UMODL1: variants seen among roughly 807,000 people sequenced by gnomAD.
The protein encoded by UMODL1 is uromodulin-like 1.
UMODL1 carries 128 observed loss-of-function variants against 136.3 expected under a neutral mutation model. The ratio of observed to expected loss-of-function variants is 0.94; its 90% CI spans 0.81 to 1.09. UMODL1 has a LOEUF of 1.09. UMODL1 is among the 50% of genes least tolerant of loss of function. The pLI is 0.00. For synonymous variants in UMODL1, 721 were observed against 720.0 expected (o/e 1.00, Z -0.02); for missense variants, 1,766 against 1,725.6 (o/e 1.02, Z -0.41).
intron 2 of UMODL1, among the ~76,000 whole-genome samples, chr21:42,083,700 G>A (rs1569144407): frequency 6.6e-6 from 1 of 152,268 alleles, no homozygotes; most frequent in African/African-American, 2.4e-5. Flanking sequence ...CCGGCATTGT[G>A]CCCGGCACAT....
chr21:42,123,583 CTGTG>C lies in UMODL1; in HGVS notation c.3147+438_3147+441del, dbSNP rs374512970. 1.3e-5 allele frequency among the ~76,000 whole-genome samples: 2 copies of C among 151,406 alleles called. No individual in the cohort carries two copies. The highest frequency in any genetic ancestry group is 1.9e-4 in the East Asian group (1 of 5,168). ...TGTGAATGTGTGTAAATGTGTGAAT[CTGTG>C]TGTGCGAATGTGTATGTGTATATGC... is the stretch of plus-strand genomic sequence containing the variant. On this transcript the variant is annotated intron_variant, in intron 17 of 22. Coordinates refer to ENST00000408910, the MANE Select transcript of UMODL1 (RefSeq NM_001004416.3). The surrounding 1 kb of genome is among the most constrained non-coding windows in gnomAD (Gnocchi z 4.4).
At chr21:42,134,904 G>C (rs572777373) in intron 21 of UMODL1, among the ~76,000 whole-genome samples, 3 of 152,076 alleles carry the variant, frequency 2.0e-5, no homozygotes, top group African/African-American at 7.2e-5. Context: ...GATTATAGGC[G>C]TGAGCCACCT....
chr21:42,075,983 C>T (rs2066285968), intron 1 of UMODL1, 22 bp from the exon 2 acceptor site: 1 of 1,611,092 alleles, frequency 6.2e-7, no homozygotes, highest in Non-Finnish European at 8.5e-7. Context: ...TCTCAGTCGC[C>T]TTCTTGCTTG....
intron 21 of UMODL1, among the ~76,000 whole-genome samples, chr21:42,136,515 A>G (rs1300084069): frequency 6.6e-6 from 1 of 152,038 alleles, no homozygotes; most frequent in Non-Finnish European, 1.5e-5. Flanking sequence ...TTCAAGGTTC[A>G]TTTACGTTGC....
intron 22 of UMODL1, among the ~76,000 whole-genome samples, chr21:42,139,799 G>A (rs553823868): frequency 1.7e-4 from 26 of 152,278 alleles, no homozygotes; most frequent in South Asian, 4.2e-4. Flanking sequence ...CACTGGTCCC[G>A]TCTATGCTGT....
At position 42,084,140 on chromosome 21, in the gene UMODL1, C is replaced by T. The variant is rs991583941; in HGVS notation, c.376C>T (p.Pro126Ser). ...ACCTGGGGCCTGCCCCGCAGAGGGG[C>T]CTGAACCATCCACCTCCCCCTGCAG... Reference protein sequence around the residue: ...SRPGACPAEGPEPSTSPCSLD... With the variant: ...SRPGACPAEGSEPSTSPCSLD... The change falls in exon 3 of 23, where the codon CCT becomes TCT. Residue 126 changes from proline (P) to serine (S), a missense_variant. Coordinates refer to ENST00000408910, the MANE Select transcript of UMODL1 (RefSeq NM_001004416.3). 3.1e-6 allele frequency: 5 copies of T among 1,614,170 alleles called. No homozygotes were observed. The highest frequency in any genetic ancestry group is 8.5e-7 in the Non-Finnish European group (1 of 1,180,022).
intron 16 of UMODL1, 84 bp downstream of exon 16, chr21:42,121,308 G>T: frequency 6.6e-7 from 1 of 1,506,368 alleles, no homozygotes. Context: ...AGGGCTTCTT[G>T]TCCCTCTGAG....
At chr21:42,103,637 C>T (rs1444163596) in intron 8 of UMODL1, 4 of 663,478 alleles carry the variant, frequency 6.0e-6, no homozygotes, top group East Asian at 3.1e-5. Flanking sequence ...GCAGTGGTCA[C>T]TGTGAGTCCC....
At chr21:42,098,314 G>A (rs2066582314) in intron 6 of UMODL1, among the ~76,000 whole-genome samples, 2 of 152,098 alleles carry the variant, frequency 1.3e-5, no homozygotes, top group African/African-American at 4.8e-5. Flanking sequence ...AGAGAGGCTG[G>A]GATTTCAACT....
intron 7 of UMODL1, chr21:42,101,893 C>T (rs2066639128): frequency 5.0e-6 from 2 of 396,700 alleles, no homozygotes; most frequent in Admixed American, 3.6e-5. Flanking sequence ...AAGGACCCTC[C>T]ATGCTCTGGT....
intron 15 of UMODL1, chr21:42,120,778 T>A (rs1360113239): frequency 3.6e-5 from 9 of 248,726 alleles, no homozygotes; most frequent in Non-Finnish European, 6.8e-5. Flanking sequence ...CCGAGGTGGA[T>A]CTGGGGGCCT....
At chr21:42,072,018 A>C (rs2066237408) in intron 1 of UMODL1, among the ~76,000 whole-genome samples, 1 of 151,510 alleles carries the variant, frequency 6.6e-6, no homozygotes. Context: ...ACTGCACTGC[A>C]GCCTGGGCGG....
rs2066677719 is a variant in UMODL1, at chr21:42,104,032, G to T, written c.1464G>T (p.Gln488His). ...TCTCCACGCTGGCCCCCATACTCCAGCCCCTGTTGGCAAGCACAGTGTTCC... is the reference window on the plus strand; with the variant it reads ...TCTCCACGCTGGCCCCCATACTCCATCCCCTGTTGGCAAGCACAGTGTTCC... The part of the protein sequence containing the change: ...MGISTLAPIL[Q>H]PLLASTVFQI... The change falls in exon 9 of 23, where the codon CAG (glutamine) becomes CAT (histidine). Residue 488 changes from glutamine to histidine, a missense_variant. By Grantham distance (24) the Gln-to-His change is conservative (BLOSUM62 0). Coordinates refer to ENST00000408910, the MANE Select transcript of UMODL1 (RefSeq NM_001004416.3). The T allele has an allele frequency of 6.2e-7, 1 of 1,613,810 alleles. No individual in the cohort carries two copies. The highest frequency in any genetic ancestry group is 8.5e-7 in the Non-Finnish European group (1 of 1,180,026).
intron 6 of UMODL1, 85 bp from the exon 7 acceptor site, chr21:42,098,841 T>G: frequency 3.4e-5 from 52 of 1,547,550 alleles, no homozygotes; most frequent in Non-Finnish European, 4.1e-5. Flanking sequence ...AGAACCAAGT[T>G]GAGATGAGGC....
intron 6 of UMODL1, among the ~76,000 whole-genome samples, chr21:42,097,272 G>T (rs1475718041): frequency 6.6e-6 from 1 of 152,212 alleles, no homozygotes; most frequent in Non-Finnish European, 1.5e-5. Context: ...CACTGATCCT[G>T]TCTGAGTGAA....
At chr21:42,113,948 C>T (rs1276072623) in intron 13 of UMODL1, 118 bp downstream of exon 13, 1 of 1,383,140 alleles carries the variant, frequency 7.2e-7, no homozygotes, top group South Asian at 1.4e-5. Flanking sequence ...CATTGTTCTT[C>T]TCAGCTTAGG....
At chr21:42,138,818 A>C (rs969809651) in intron 22 of UMODL1, among the ~76,000 whole-genome samples, 1 of 152,078 alleles carries the variant, frequency 6.6e-6, no homozygotes, top group Non-Finnish European at 1.5e-5. Context: ...CAGGTGATCC[A>C]CCCGTCTCGG....
At chr21:42,131,421 A>AGTGACTCAACTGCTGGTTC (rs2067132435) in intron 21 of UMODL1, among the ~76,000 whole-genome samples, 1 of 120,884 alleles carries the variant, frequency 8.3e-6, no homozygotes. Flanking sequence ...GGTCTCGGCC[A>AGTGACTCAACTGCTGGTTC]TGAAGCTGGG....
intron 10 of UMODL1, 37 bp downstream of exon 10, chr21:42,109,736 C>T (rs2066791142): frequency 6.3e-7 from 1 of 1,592,676 alleles, no homozygotes; most frequent in South Asian, 1.1e-5. Flanking sequence ...TGGGAAGACC[C>T]CCTGCCCGAG....
Sources: gnomAD v4.1 joint callset for allele counts (sites outside exome capture counted in the v4.1 genomes callset) on GRCh38, gnomAD v4.1.1 for gene constraint, Gnocchi (gnomAD v3.1) non-coding constraint, MANE v1.5 for transcripts, NCBI Gene and HGNC (gene_info 2026-07-23, HGNC 2026-07-21) for gene names.